PTPRG: variants seen among roughly 807,000 people sequenced by gnomAD.
PTPRG encodes protein tyrosine phosphatase receptor type G.
Under a neutral mutation model 165.3 loss-of-function variants are expected in PTPRG, and 102 were observed. The ratio of observed to expected loss-of-function variants is 0.62; its 90% confidence interval spans 0.53 to 0.73. The LOEUF (loss-of-function observed/expected upper bound fraction) is 0.73. Ranked by LOEUF, PTPRG falls within the 30% of genes least tolerant of loss-of-function variation. The probability of loss-of-function intolerance (pLI) is 0.00; values close to 1 mark genes in which losing one functional copy is unlikely to be tolerated. For synonymous variants in PTPRG, 675 were observed against 669.5 expected, an observed-to-expected ratio of 1.01 and a Z score of -0.13; for missense variants, 1,866 against 1,861.4, an observed-to-expected ratio of 1.00 and a Z score of -0.05.
chr3:61,994,238 T>TA (rs1356486841), intron 3 of PTPRG, among the ~76,000 whole-genome samples: 5 of 152,262 alleles, frequency 3.3e-5, no homozygotes, highest in African/African-American at 1.2e-4. Context: ...ATTTAATACT[T>TA]AGACGGTGCT....
Position 62,273,758 on chromosome 3 carries a change from G to A in PTPRG, c.3379G>A (p.Val1127Ile). ...LEAILGKETE[V>I]SSNQLHSYVN... ...AGCCATTCTTGGAAAGGAGACTGAA[G>A]TATCTTCAAATCAGCTGCACAGCTA... Residue 1127 changes from valine to isoleucine, a missense_variant, in exon 23 of 30, where the codon GTA becomes ATA. By Grantham distance (29) the Val-to-Ile change is conservative (BLOSUM62 3). Around this residue, in one of 3 missense-constraint regions of PTPRG, gnomAD observed 1,452 missense variants for 1,463.0 expected, o/e 0.99. Transcript: ENST00000474889. This position sits in a 1 kb window ranked among gnomAD's most constrained non-coding sequence, Gnocchi z 4.1. 1.2e-6 allele frequency: 2 copies of A among 1,613,680 alleles called. No homozygotes were observed. Among genetic ancestry groups the A allele is most frequent in the Non-Finnish European group, 1.7e-6 (2 of 1,179,662 alleles).
intron 2 of PTPRG, among the ~76,000 whole-genome samples, chr3:61,873,220 G>T (rs904030359): frequency 6.6e-6 from 1 of 152,086 alleles, no homozygotes; most frequent in African/African-American, 2.4e-5. Flanking sequence ...GTTTGTAAGC[G>T]GAAAACTGGC....
intron 2 of PTPRG, among the ~76,000 whole-genome samples, chr3:61,966,390 G>GA (rs1243613417): frequency 2.0e-5 from 3 of 152,140 alleles, no homozygotes; most frequent in Non-Finnish European, 4.4e-5. Context: ...GGGGAATGGG[G>GA]AATGTCAAGA....
At chr3:62,016,333 A>T (rs903528618) in intron 4 of PTPRG, among the ~76,000 whole-genome samples, 1 of 151,864 alleles carries the variant, frequency 6.6e-6, no homozygotes, top group African/African-American at 2.4e-5. Context: ...TGCCCAGCGA[A>T]TTTTTTGTAT....
At chr3:62,068,673 T>G (rs986095436) in intron 4 of PTPRG, among the ~76,000 whole-genome samples, 1 of 152,190 alleles carries the variant, frequency 6.6e-6, no homozygotes. Flanking sequence ...TTGGTTTGGT[T>G]TTTTGAGATA....
chr3:61,779,744 A>G (rs2034490149), intron 2 of PTPRG, among the ~76,000 whole-genome samples: 1 of 152,112 alleles, frequency 6.6e-6, no homozygotes, highest in Non-Finnish European at 1.5e-5. Flanking sequence ...TATCCCACCC[A>G]CATTTTCTTA....
chr3:61,744,523 C>G (rs771059235), intron 1 of PTPRG, among the ~76,000 whole-genome samples: 1 of 152,078 alleles, frequency 6.6e-6, no homozygotes, highest in Non-Finnish European at 1.5e-5. Flanking sequence ...TAAACATATC[C>G]GAACACATAA....
At chr3:61,632,586 G>A (rs1471774058) in intron 1 of PTPRG, among the ~76,000 whole-genome samples, 1 of 152,202 alleles carries the variant, frequency 6.6e-6, no homozygotes, top group Non-Finnish European at 1.5e-5. Flanking sequence ...AGCAGCCATT[G>A]TCAGTTTGCA....
chr3:61,916,302 T>C (rs906749826), intron 2 of PTPRG, among the ~76,000 whole-genome samples: 15 of 152,196 alleles, frequency 9.9e-5, no homozygotes, highest in Admixed American at 9.2e-4. Flanking sequence ...AATGAAAATA[T>C]AGTTTGATTC....
chr3:61,981,693 A>G (rs551512086), intron 2 of PTPRG, among the ~76,000 whole-genome samples: 1 of 152,144 alleles, frequency 6.6e-6, no homozygotes, highest in Non-Finnish European at 1.5e-5. Flanking sequence ...TTTTGTGTCT[A>G]TTTGATTCTT....
At chr3:61,982,736 G>T (rs2040669707) in intron 2 of PTPRG, among the ~76,000 whole-genome samples, 1 of 152,072 alleles carries the variant, frequency 6.6e-6, no homozygotes, top group Non-Finnish European at 1.5e-5. Flanking sequence ...TTACCATCAG[G>T]ATTAGAGTCT....
At chr3:61,661,868 C>T (rs546640952) in intron 1 of PTPRG, among the ~76,000 whole-genome samples, 4 of 152,200 alleles carry the variant, frequency 2.6e-5, no homozygotes, top group Non-Finnish European at 5.9e-5. Flanking sequence ...AACACCACCA[C>T]CACCCAATCC....
At chr3:61,748,257 GTGTT>G (rs1324047469) in intron 1 of PTPRG, among the ~76,000 whole-genome samples, 1 of 152,182 alleles carries the variant, frequency 6.6e-6, no homozygotes, top group African/African-American at 2.4e-5. Context: ...AGATTGTCCT[GTGTT>G]TGGGTGGCTG....
intron 6 of PTPRG, among the ~76,000 whole-genome samples, chr3:62,146,690 C>T (rs1455350299): frequency 2.6e-5 from 4 of 151,614 alleles, no homozygotes; most frequent in African/African-American, 7.3e-5. Context: ...CAAAATTTCT[C>T]TGTAAGGTGA....
chr3:61,872,595 C>T (rs997285365), intron 2 of PTPRG, among the ~76,000 whole-genome samples: 1 of 151,934 alleles, frequency 6.6e-6, no homozygotes, highest in Non-Finnish European at 1.5e-5. Flanking sequence ...AGTGCTCACT[C>T]AATATTAATC....
intron 1 of PTPRG, among the ~76,000 whole-genome samples, chr3:61,624,455 T>C (rs537539528): frequency 3.4e-4 from 52 of 152,244 alleles, no homozygotes; most frequent in African/African-American, 1.2e-3. Context: ...ATTTTTCACA[T>C]TTTGCATTTT....
chr3:61,977,614 G>A (rs1342978015), intron 2 of PTPRG, among the ~76,000 whole-genome samples: 2 of 151,612 alleles, frequency 1.3e-5, no homozygotes, highest in East Asian at 1.9e-4. Flanking sequence ...TCACAGAATG[G>A]CATTAGATAC....
intron 2 of PTPRG, among the ~76,000 whole-genome samples, chr3:61,808,768 A>G (rs1230738928): frequency 1.3e-5 from 2 of 151,958 alleles, no homozygotes; most frequent in African/African-American, 2.4e-5. Flanking sequence ...AGCTCAGTGA[A>G]GGTTATTCTT....
intron 1 of PTPRG, among the ~76,000 whole-genome samples, chr3:61,668,128 C>T (rs959768886): frequency 6.6e-6 from 1 of 152,102 alleles, no homozygotes; most frequent in Non-Finnish European, 1.5e-5. Context: ...GTCTGCCTAC[C>T]CATACAGAAG....
Sources: gnomAD v4.1 joint callset for allele counts (sites outside exome capture counted in the v4.1 genomes callset) on GRCh38, gnomAD v4.1.1 for gene constraint, gnomAD v4.1.1 regional missense constraint, Gnocchi (gnomAD v3.1) non-coding constraint, MANE v1.5 for transcripts, NCBI Gene and HGNC (gene_info 2026-07-23, HGNC 2026-07-21) for gene names.